Variants in EFHB observed in about 807,000 individuals in gnomAD.
The protein encoded by EFHB is EF-hand domain-containing family member B.
In EFHB, 91 loss-of-function variants were observed where a neutral mutation model predicts 87.2. The observed-to-expected ratio is 1.04, with a 90% CI of 0.88 to 1.24. The LOEUF (loss-of-function observed/expected upper bound fraction) is 1.24, where lower values mean the gene tolerates loss of function less well. Among genes scored for constraint, EFHB ranks in the 50% most tolerant of loss-of-function variants. The pLI is 0.00. For missense variants in EFHB, 1,084 were observed against 998.8 expected (o/e 1.09, Z -1.15); for synonymous variants, 325 against 333.6 (o/e 0.97, Z 0.28).
intron 1 of EFHB, among the ~76,000 whole-genome samples, chr3:19,943,980 G>A (rs924989133): frequency 2.6e-5 from 4 of 152,172 alleles, no homozygotes; most frequent in Admixed American, 6.5e-5. Context: ...AGAATTAGTG[G>A]GCTTAGAAGT....
In EFHB at chr3:19,914,533, C is replaced by T. The variant is rs78037019; in HGVS notation, c.1288+770G>A. Among the ~76,000 whole-genome samples the T allele has an allele frequency of 9.6e-3, 1,460 of 152,092 alleles. 21 individuals carry two copies. The highest frequency in any genetic ancestry group is 0.033 in the African/African-American group (1,357 of 41,470). ...TAGACATGAAACTTTAAGACAAGATCGCTAATAATAATAATAATAATAGCT... is the reference window on the plus strand; with the variant it reads ...TAGACATGAAACTTTAAGACAAGATTGCTAATAATAATAATAATAATAGCT... On this transcript the variant is annotated intron_variant, in intron 5 of 12. Coordinates refer to ENST00000295824, the MANE Select transcript of EFHB (RefSeq NM_144715.4).
At chr3:19,940,057 T>G (rs1575058231) in intron 1 of EFHB, among the ~76,000 whole-genome samples, 1 of 152,242 alleles carries the variant, frequency 6.6e-6, no homozygotes, top group South Asian at 2.1e-4. Context: ...CAGTTTGGAA[T>G]GATCTGTCCA....
intron 1 of EFHB, among the ~76,000 whole-genome samples, chr3:19,929,795 C>A (rs1345519125): frequency 6.7e-6 from 1 of 148,748 alleles, no homozygotes; most frequent in Non-Finnish European, 1.5e-5. Context: ...ATAGTTAAAT[C>A]TTATAAATAA....
intron 5 of EFHB, among the ~76,000 whole-genome samples, chr3:19,908,585 AGAGAGAGAG>A (rs1559459623): frequency 3.3e-5 from 4 of 123,072 alleles, no homozygotes; most frequent in African/African-American, 1.5e-4. Context: ...AGAGAGAGAG[AGAGAGAGAG>A]AGAGAGAAAG....
intron 1 of EFHB, among the ~76,000 whole-genome samples, chr3:19,924,260 C>T (rs1182769617): frequency 1.3e-5 from 2 of 150,144 alleles, no homozygotes; most frequent in African/African-American, 4.9e-5. Flanking sequence ...GTTGCCCAGG[C>T]TGGAGTGCAG....
chr3:19,917,715 C>T (rs573029056), intron 4 of EFHB, among the ~76,000 whole-genome samples: 2 of 152,176 alleles, frequency 1.3e-5, no homozygotes, highest in African/African-American at 4.8e-5. Context: ...GTACTCTACT[C>T]CCTCTCAAAA....
At chr3:19,940,754 G>T in intron 1 of EFHB, 1 of 345,576 alleles carries the variant, frequency 2.9e-6, no homozygotes, top group South Asian at 2.4e-5. Flanking sequence ...TATCAAATGT[G>T]ACTTCAATGT....
rs2071620773 is a variant in EFHB at position 19,879,556 on chromosome 3, C to T, written c.*75G>A. 5 of 1,444,806 alleles carry T rather than the reference C, an allele frequency of 3.5e-6. No homozygotes were observed. Among genetic ancestry groups the T allele is most frequent in the Non-Finnish European group, 3.7e-6 (4 of 1,084,930 alleles). The allele number at this position is 1,444,806 out of a possible 1,614,324, so 89.5% of individuals were successfully genotyped here. A position where few individuals can be genotyped will look rare whatever the true frequency, so the allele number is the denominator to read the frequency against. ...GTGAACTCTAACATAATATCTAAAACCAGAATGGATTCAACATTTTAGATA... is the reference window on the plus strand; with the variant it reads ...GTGAACTCTAACATAATATCTAAAATCAGAATGGATTCAACATTTTAGATA... On this transcript the variant is annotated 3_prime_UTR_variant, in exon 13 of 13. Transcript: ENST00000295824.
intron 1 of EFHB, among the ~76,000 whole-genome samples, chr3:19,929,693 C>T (rs1223825767): frequency 4.5e-5 from 5 of 110,342 alleles, no homozygotes; most frequent in Non-Finnish European, 6.7e-5. Context: ...TGGGCGAGAG[C>T]GTGAGACTCC....
intron 5 of EFHB, among the ~76,000 whole-genome samples, chr3:19,910,605 C>T (rs78810886): frequency 0.033 from 5,029 of 152,218 alleles, 127 homozygotes; most frequent in Middle Eastern, 0.085. Context: ...CTTGAGTGAA[C>T]GTAGGCTGCA....
Position 19,933,312 on chromosome 3 carries a change from A to G in EFHB, c.707T>C (p.Ile236Thr), listed in dbSNP as rs755332177. The change falls in exon 1 of 13, where the codon ATT becomes ACT. Residue 236 changes from isoleucine to threonine, a missense_variant. Physicochemically the swap from Ile to Thr is moderately conservative, Grantham distance 89. Coordinates refer to ENST00000295824, the MANE Select transcript of EFHB (RefSeq NM_144715.4). ...QHEQRKEAGN[I>T]ESGVEPPDRI... ...ATCTGGAGGTTCCACTCCTGATTCA[A>G]TGTTTCCAGCCTCCTTTCTCTGTTC... 7.4e-6 allele frequency: 12 copies of G among 1,613,966 alleles called. No homozygotes were observed. The highest frequency in any genetic ancestry group is 1.0e-5 in the Non-Finnish European group (12 of 1,179,874).
At chr3:19,881,486 G>A (rs776207368) in intron 12 of EFHB, among the ~76,000 whole-genome samples, 1 of 152,156 alleles carries the variant, frequency 6.6e-6, no homozygotes, top group Non-Finnish European at 1.5e-5. Flanking sequence ...AAACAAGCAG[G>A]AGATTTCTGT....
rs534143815 is a variant in EFHB, at chr3:19,918,548, C to T, written c.997-136G>A. Reference sequence around the variant, plus strand: ...TTTCATTATCATTATTGGCTTTGCTCACCTTCAAATGAACTGTCAGAATTG... The same window carrying T: ...TTTCATTATCATTATTGGCTTTGCTTACCTTCAAATGAACTGTCAGAATTG... On this transcript the variant is annotated intron_variant, in intron 3 of 12. Coordinates refer to ENST00000295824, the MANE Select transcript of EFHB (RefSeq NM_144715.4). The T allele has an allele frequency of 9.6e-6, 8 of 831,838 alleles. No homozygotes were observed. The East Asian group carries it at 1.8e-4, about 18-fold the overall frequency. The allele number at this position is 831,838 out of a possible 1,614,324, so 51.5% of individuals were successfully genotyped here.
In EFHB at chr3:19,900,962, A is replaced by C. The variant is rs1694651751; in HGVS notation, c.1419-1447T>G. ...AAAATGTAGAAAAGTTATATGTATA[A>C]AAAATGTTTGTAGCCTCATTGATGA... On this transcript the variant is annotated intron_variant, in intron 6 of 12. Transcript: ENST00000295824. 2.0e-5 allele frequency among the ~76,000 whole-genome samples: 3 copies of C among 152,172 alleles called. No homozygotes were observed. The South Asian group carries it at 6.2e-4, about 32-fold the overall frequency.
At chr3:19,925,709 T>C (rs951966076) in intron 1 of EFHB, among the ~76,000 whole-genome samples, 1 of 152,170 alleles carries the variant, frequency 6.6e-6, no homozygotes, top group East Asian at 1.9e-4. Flanking sequence ...TCATTTATCA[T>C]ACAAGTGAGT....
At chr3:19,938,725 C>T (rs13081007), upstream of EFHB, among the ~76,000 whole-genome samples, 34,478 of 152,012 alleles carry the variant, frequency 0.23, 4,232 homozygotes, top group Middle Eastern at 0.28. Flanking sequence ...GCAGTCTCTC[C>T]TCACCCCAAG....
Position 19,908,654 on chromosome 3 carries a change from A to AAGAT in EFHB, c.1289-2906_1289-2905insATCT, listed in dbSNP as rs1185730604. On this transcript the variant is annotated intron_variant, in intron 5 of 12. Transcript: ENST00000295824. ...AAAGAAAGAAAGAAAGAAAGAAAGAAAAAGAAAGTTCTGTGTGAGATAGAG... is the reference window on the plus strand; with the variant it reads ...AAAGAAAGAAAGAAAGAAAGAAAGAAAGATAAAGAAAGTTCTGTGTGAGATAGAG... Among the ~76,000 whole-genome samples, 536 of 148,522 alleles carry AAGAT rather than the reference A, an allele frequency of 3.6e-3. 9 individuals are homozygous for AAGAT. Among genetic ancestry groups the AAGAT allele is most frequent in the African/African-American group, 0.012 (493 of 39,836 alleles).
Position 19,924,874 on chromosome 3 carries a change from TA to T in EFHB, c.790-4308del, listed in dbSNP as rs749988784. On this transcript the variant is annotated intron_variant, in intron 1 of 12. Coordinates refer to ENST00000295824, the MANE Select transcript of EFHB (RefSeq NM_144715.4). ...TACCCTAAAACTTAAAGTATAATAA[TA>T]AAAAAAAAGAAATAAAGATCTGGAT... Among the ~76,000 whole-genome samples the T allele has an allele frequency of 1.9e-3, 286 of 150,986 alleles. 1 individual carries two copies. The highest frequency in any genetic ancestry group is 4.0e-3 in the Admixed American group (60 of 15,118).
chr3:19,922,666 A>G (rs1363617308), intron 1 of EFHB, among the ~76,000 whole-genome samples: 3 of 151,316 alleles, frequency 2.0e-5, no homozygotes, highest in African/African-American at 7.3e-5. Flanking sequence ...ATAAATAGAG[A>G]TTTGGAAGCC....
Sources: allele counts gnomAD v4.1 joint callset (sites outside exome capture counted in the v4.1 genomes callset), GRCh38; gene constraint gnomAD v4.1.1; transcripts MANE v1.5; gene names NCBI Gene and HGNC (gene_info 2026-07-23, HGNC 2026-07-21).